The following TEX51 variants were observed in gnomAD, a reference collection of about 807,000 sequenced individuals.
The protein encoded by TEX51 is testis expressed 51.
In TEX51, 14 loss-of-function variants were observed where a neutral mutation model predicts 8.0. That is an observed-to-expected ratio of 1.76 (90% confidence interval 1.16 to 2.75). The LOEUF (loss-of-function observed/expected upper bound fraction) is 2.75, where lower values mean the gene tolerates loss of function less well. TEX51 is among the 30% of genes most tolerant of loss of function. The pLI, the probability that TEX51 is intolerant of heterozygous loss-of-function variation, is 0.00. For synonymous variants in TEX51, 58 were observed against 28.6 expected (o/e 2.03, Z -3.29); for missense variants, 142 against 77.4 (o/e 1.83, Z -3.13).
chr2:126,900,229 A>G (rs1023047619), intron 4 of TEX51, among the ~76,000 whole-genome samples: 1 of 151,950 alleles, frequency 6.6e-6, no homozygotes, highest in African/African-American at 2.4e-5. Flanking sequence ...GACATCACTC[A>G]TGGAGGCCTC....
In TEX51 at chr2:126,898,972, C is replaced by A. The variant is rs1191810686; in HGVS notation, c.54C>A (p.Cys18Ter). The change falls in exon 1 of 7, where the codon TGC becomes TGA. Residue 18 changes from cysteine (C) to a stop codon, truncating the protein, a stop_gained. Transcript: ENST00000568484. LOFTEE classifies it high-confidence loss of function. ...TGCCTGCCATTGAAGGGAAGAACTG[C>A]CTCCGCTGCTGGCCAGAACTGTCTG... Reference protein sequence around the residue: ...CLLPAIEGKNCLRCWPELSAL... With the variant: ...CLLPAIEGKN 6 of 701,672 alleles carry A rather than the reference C, an allele frequency of 8.6e-6. No homozygotes were observed. Among genetic ancestry groups the A allele is most frequent in the Non-Finnish European group, 1.6e-5 (6 of 384,830 alleles). 43.5% of individuals were successfully genotyped at this position (701,672 alleles called of 1,614,324 possible). A position where few individuals can be genotyped will look rare whatever the true frequency, so the allele number is the denominator to read the frequency against.
rs1356821843 is a variant in TEX51, at chr2:126,901,404, G to A, written c.*2G>A. 4.3e-6 allele frequency: 3 copies of A among 702,196 alleles called. No homozygotes were observed. Among genetic ancestry groups the A allele is most frequent in the African/African-American group, 3.5e-5 (2 of 57,240 alleles). 43.5% of individuals were successfully genotyped at this position (702,196 alleles called of 1,614,324 possible). A position where few individuals can be genotyped will look rare whatever the true frequency, so the allele number is the denominator to read the frequency against. ...GGCAAAGGAAGAAGGAGGCAGTAAA[G>A]GTACTGGGAAAGGAGACCCCGACCC... On this transcript the variant is annotated splice_region_variant and 3_prime_UTR_variant, in exon 6 of 7. Coordinates refer to ENST00000568484, the MANE Select transcript of TEX51 (RefSeq NM_001322244.2).
At chr2:126,900,054 C>T (rs999775917) in intron 4 of TEX51, 35 bp downstream of exon 4, 2 of 700,296 alleles carry the variant, frequency 2.9e-6, no homozygotes, top group South Asian at 3.0e-5. Context: ...CCTCTCCCCT[C>T]CCTGCCCTGC....
chr2:126,900,593 T>C (rs1680277940), intron 4 of TEX51, among the ~76,000 whole-genome samples: 2 of 152,172 alleles, frequency 1.3e-5, no homozygotes, highest in East Asian at 1.9e-4. Context: ...TGTGTTCCCA[T>C]AGTTTCATTC....
At chr2:126,901,305 A>T (rs1680317895) in intron 5 of TEX51, 27 bp downstream of exon 5, 3 of 701,268 alleles carry the variant, frequency 4.3e-6, no homozygotes, top group Non-Finnish European at 7.8e-6. Context: ...TCCAAGCCCC[A>T]GCATCCCCAG....
rs751703609 is a variant in TEX51 at position 126,899,529 on chromosome 2, C to T, written c.227C>T (p.Thr76Ile). 23 of 540,064 alleles carry T rather than the reference C, an allele frequency of 4.3e-5. No homozygotes were observed. The highest frequency in any genetic ancestry group is 7.3e-5 in the Non-Finnish European group (22 of 301,488). 33.5% of individuals were successfully genotyped at this position (540,064 alleles called of 1,614,324 possible). Residue 76 changes from threonine to isoleucine, a missense_variant, in exon 3 of 7, where the codon ACA (threonine) becomes ATA (isoleucine). Transcript: ENST00000568484. ...QAIKTLRDDK[T>I]VLLEEIYTHK... Reference sequence around the variant, plus strand: ...TCCCTCCTGCTCTACCCAGATAAAACAGTACTTCTGGAAGAGATCTACACG... The same window carrying T: ...TCCCTCCTGCTCTACCCAGATAAAATAGTACTTCTGGAAGAGATCTACACG...
In TEX51 at chr2:126,899,285, C is replaced by T. The variant is rs61730220; in HGVS notation, c.214C>T (p.Arg72Ter). 55,079 of 702,034 alleles carry T rather than the reference C, an allele frequency of 0.078. 2,687 individuals carry two copies. Among genetic ancestry groups the T allele is most frequent in the Middle Eastern group, 0.13 (560 of 4,364 alleles). The allele number at this position is 702,034 out of a possible 1,614,324, so 43.5% of individuals were successfully genotyped here. ...AGTACACCAAGCCATTAAAACGTTA[C>T]GAGATGGTGAGGAAGCCAAGAGCCC... ...TQVHQAIKTL[R>*]DDKTVLLEEI... Residue 72 changes from arginine (R) to a stop codon, truncating the protein, a stop_gained, in exon 2 of 7, where the codon CGA becomes TGA. Coordinates refer to ENST00000568484, the MANE Select transcript of TEX51 (RefSeq NM_001322244.2). LOFTEE classifies it high-confidence loss of function.
At chr2:126,899,904 A>G (rs1309583617) in intron 3 of TEX51, 32 bp from the exon 4 acceptor site, 5 of 701,480 alleles carry the variant, frequency 7.1e-6, no homozygotes, top group Admixed American at 2.0e-5. Flanking sequence ...GGCACCTGGC[A>G]CCCCCTAGCC....
intron 5 of TEX51, 33 bp from the exon 6 acceptor site, chr2:126,901,332 C>T (rs1437960967): frequency 7.1e-6 from 5 of 702,188 alleles, no homozygotes; most frequent in Non-Finnish European, 1.3e-5. Flanking sequence ...CACACCTATT[C>T]CCTGACTGAC....
At chr2:126,900,139 T>C in intron 4 of TEX51, 120 bp downstream of exon 4, 2 of 665,318 alleles carry the variant, frequency 3.0e-6, no homozygotes, top group Non-Finnish European at 5.5e-6. Context: ...ATCCTCACCC[T>C]GGGTGAAGGC....
chr2:126,901,762 G>A, intron 6 of TEX51, 110 bp from the exon 7 acceptor site: 1 of 573,992 alleles, frequency 1.7e-6, no homozygotes, highest in Admixed American at 3.3e-5. Flanking sequence ...CCTCTGCTCT[G>A]GGTTGGGTTT....
chr2:126,901,670 C>G (rs1680338540), intron 6 of TEX51: 1 of 592,306 alleles, frequency 1.7e-6, no homozygotes, highest in Non-Finnish European at 3.0e-6. Context: ...TTCCTCCCAG[C>G]TGTCCCTGTC....
chr2:126,901,375 T>C lies in TEX51; in HGVS notation c.474T>C (p.Phe158=). 1 of 702,326 alleles carries C rather than the reference T, an allele frequency of 1.4e-6. No individual in the cohort carries two copies. The highest frequency in any genetic ancestry group is 2.6e-6 in the Non-Finnish European group (1 of 384,816). The allele number at this position is 702,326 out of a possible 1,614,324, so 43.5% of individuals were successfully genotyped here. The change falls in exon 6 of 7, where the codon TTT becomes TTC. Residue 158 remains phenylalanine, a synonymous_variant. Transcript: ENST00000568484. ...TGTTTCTTGGCCCAGATGTTTCTTTTACTGGCAAAGGAAGAAGGAGGCAGT... is the reference window on the plus strand; with the variant it reads ...TGTTTCTTGGCCCAGATGTTTCTTTCACTGGCAAAGGAAGAAGGAGGCAGT... ...LLLAIAGDVS[F]TGKGRRRQ
chr2:126,901,569 A>G, intron 6 of TEX51, 165 bp downstream of exon 6: 1 of 609,824 alleles, frequency 1.6e-6, no homozygotes, highest in Admixed American at 2.9e-5. Context: ...GCCACTCATC[A>G]GCCTCCATAT....
At position 126,902,025 on chromosome 2, in the gene TEX51, C is replaced by T. The variant is rs144178228; in HGVS notation, c.*156C>T. The T allele has an allele frequency of 8.5e-4, 445 of 523,292 alleles. No homozygotes were observed. Among genetic ancestry groups the T allele is most frequent in the African/African-American group, 7.1e-3 (354 of 50,144 alleles). 32.4% of individuals were successfully genotyped at this position (523,292 alleles called of 1,614,324 possible). On this transcript the variant is annotated 3_prime_UTR_variant, in exon 7 of 7. Transcript: ENST00000568484. The stretch of plus-strand genomic sequence containing the variant: ...CAAAGCTCTGAGGCCTAGGAGACTG[C>T]GCTGTCTCGTGGTTTGCCTACTCCT...
intron 4 of TEX51, among the ~76,000 whole-genome samples, chr2:126,900,866 C>T (rs777550786): frequency 1.3e-5 from 2 of 152,170 alleles, no homozygotes; most frequent in Admixed American, 6.5e-5. Flanking sequence ...TGTCCTGTGC[C>T]GGGGACACAG....
At chr2:126,901,510 G>A (rs979248382) in intron 6 of TEX51, 106 bp downstream of exon 6, 11 of 675,546 alleles carry the variant, frequency 1.6e-5, no homozygotes, top group South Asian at 4.8e-5. Flanking sequence ...ACCTCCTGGG[G>A]TCTGGCGTGC....
At chr2:126,899,490 C>A (rs1276482252) in intron 2 of TEX51, 33 bp from the exon 3 acceptor site, 3 of 692,790 alleles carry the variant, frequency 4.3e-6, no homozygotes, top group Admixed American at 2.0e-5. Flanking sequence ...CAAGTTGTAA[C>A]CCTGAACACC....
Position 126,901,241 on chromosome 2 carries a change from G to C in TEX51, c.426G>C (p.Val142=). 1.5e-6 allele frequency: 1 copy of C among 685,738 alleles called. No homozygotes were observed. The highest frequency in any genetic ancestry group is 2.7e-6 in the Non-Finnish European group (1 of 373,686). The allele number at this position is 685,738 out of a possible 1,614,324, so 42.5% of individuals were successfully genotyped here. Residue 142 remains valine, a synonymous_variant, in exon 5 of 7, where the codon GTG becomes GTC. Transcript: ENST00000568484. ...ACCGGCGGACCTCCCTGTGGGCTGT[G>C]AGTCTCAGCAGTGCTCTACTCCTGG... The part of the protein sequence containing the change: ...ARNRRTSLWA[V]SLSSALLLAI...
Sources: gnomAD v4.1 joint callset for allele counts (sites outside exome capture counted in the v4.1 genomes callset) on GRCh38, gnomAD v4.1.1 for gene constraint, MANE v1.5 for transcripts, NCBI Gene and HGNC (gene_info 2026-07-23, HGNC 2026-07-21) for gene names.